The following HIVEP1 variants were observed in gnomAD, a reference collection of about 807,000 sequenced individuals.
HIVEP1 encodes HIVEP zinc finger 1.
HIVEP1 carries 36 observed loss-of-function variants against 180.0 expected under a neutral mutation model. The ratio of observed to expected loss-of-function variants is 0.20; its 90% CI spans 0.15 to 0.26. The LOEUF (loss-of-function observed/expected upper bound fraction) is 0.26, where lower values mean the gene tolerates loss of function less well. Among genes scored for constraint, HIVEP1 ranks in the 10% least tolerant of loss-of-function variants. The pLI is 1.00. For missense variants in HIVEP1, 3,143 were observed against 3,268.7 expected, an observed-to-expected ratio of 0.96 and a Z score of 0.94; for synonymous variants, 1,239 against 1,239.0, an observed-to-expected ratio of 1.00 and a Z score of 0.00.
chr6:12,138,003 G>T (rs903190535), intron 7 of HIVEP1, among the ~76,000 whole-genome samples: 1 of 152,098 alleles, frequency 6.6e-6, no homozygotes, highest in Non-Finnish European at 1.5e-5. Context: ...GCTCAGCAAG[G>T]TTATTGCTGC....
At chr6:12,204,290 C>A in the HIVEP1 span, among the ~76,000 whole-genome samples, 4 of 146,032 alleles carry the variant, frequency 2.7e-5, no homozygotes, top group South Asian at 8.9e-4. Context: ...TGGGCTCAGC[C>A]CAGTTTTTCA....
At chr6:12,032,707 T>A (rs1769034780) in intron 2 of HIVEP1, among the ~76,000 whole-genome samples, 1 of 152,222 alleles carries the variant, frequency 6.6e-6, no homozygotes. Context: ...AGCAAACGTT[T>A]GTTTACCCAC....
At chr6:12,201,016 C>A in the HIVEP1 span, among the ~76,000 whole-genome samples, 1 of 152,204 alleles carries the variant, frequency 6.6e-6, no homozygotes, top group Admixed American at 6.5e-5. Context: ...AATGTGTCAT[C>A]ATTCTTTTGA....
intron 3 of HIVEP1, among the ~76,000 whole-genome samples, chr6:12,107,222 A>G (rs1011447993): frequency 6.6e-6 from 1 of 152,242 alleles, no homozygotes; most frequent in Non-Finnish European, 1.5e-5. Flanking sequence ...TTCCCAGTGC[A>G]TATCAAAGTT....
chr6:12,184,048 GACAGACAGAC>G, the HIVEP1 span, among the ~76,000 whole-genome samples: 103 of 151,200 alleles, frequency 6.8e-4, no homozygotes, highest in African/African-American at 2.3e-3. Flanking sequence ...CAGACAGACA[GACAGACAGAC>G]AGACTGATTT....
chr6:12,130,601 G>C (rs1008996619), intron 5 of HIVEP1, among the ~76,000 whole-genome samples, 166 bp from the exon 6 acceptor site: 1 of 152,126 alleles, frequency 6.6e-6, no homozygotes, highest in Non-Finnish European at 1.5e-5. Context: ...GCTATATTAA[G>C]TGTTGATGTA....
rs143171464 is a variant in HIVEP1 at position 12,123,550 on chromosome 6, A to G, written c.3755A>G (p.His1252Arg). 42 of 1,614,178 alleles carry G rather than the reference A, an allele frequency of 2.6e-5. No homozygotes were observed. The highest frequency in any genetic ancestry group is 1.6e-4 in the Middle Eastern group (1 of 6,062). ...GATCGAGACCTGGAAGCTCAATGCC[A>G]TGATCAAGAAAAGTCAGAGAAGTTC... The part of the protein sequence containing the change: ...EPDRDLEAQC[H>R]DQEKSEKFSW... Residue 1252 changes from histidine (H) to arginine (R), a missense_variant, in exon 4 of 9, where the codon CAT becomes CGT. Transcript: ENST00000379388.
At chr6:12,011,131 A>T (rs1767256840), upstream of HIVEP1, among the ~76,000 whole-genome samples, 1 of 152,174 alleles carries the variant, frequency 6.6e-6, no homozygotes, top group South Asian at 2.1e-4. Context: ...TTCAGGGTTA[A>T]CATGTCCCCT....
intron 2 of HIVEP1, among the ~76,000 whole-genome samples, chr6:12,051,907 C>G (rs1323855509): frequency 6.6e-6 from 1 of 152,118 alleles, no homozygotes; most frequent in Non-Finnish European, 1.5e-5. Context: ...AAAAATTATT[C>G]TTTTATATAA....
rs140616828 is a variant in HIVEP1, at chr6:12,142,321, G to A, written c.6487+6429G>A. On this transcript the variant is annotated intron_variant, in intron 7 of 8. Transcript: ENST00000379388. The stretch of plus-strand genomic sequence containing the variant: ...ATGAAATGAAGGCAGAAATAAAGAT[G>A]TTCTTTGAAACCAGTGAGAACCAAG... Among the ~76,000 whole-genome samples, 94 of 152,294 alleles carry A rather than the reference G, an allele frequency of 6.2e-4. 1 individual carries two copies. The highest frequency in any genetic ancestry group is 1.9e-3 in the African/African-American group (79 of 41,568).
At position 12,123,067 on chromosome 6, in the gene HIVEP1, C is replaced by T. The variant is rs542694918; in HGVS notation, c.3272C>T (p.Ser1091Phe). The T allele has an allele frequency of 1.2e-6, 2 of 1,614,150 alleles. No homozygotes were observed. Among genetic ancestry groups the T allele is most frequent in the Middle Eastern group, 1.6e-4 (1 of 6,062 alleles). ...QQHKNIQLQN[S>F]HIHLVARGPE... ...CATAAAAATATACAGTTGCAAAACT[C>T]CCATATTCACCTTGTTGCCAGGGGC... Residue 1091 changes from serine (S) to phenylalanine (F), a missense_variant, in exon 4 of 9, where the codon TCC becomes TTC. Physicochemically the swap from Ser to Phe is radical, Grantham distance 155 (BLOSUM62 -2). This residue lies in a region of HIVEP1 where 1,357 missense variants were observed against 1,260.5 expected (regional missense o/e 1.08). Coordinates refer to ENST00000379388, the MANE Select transcript of HIVEP1 (RefSeq NM_002114.4).
At chr6:12,156,465 T>G (rs1760058379) in intron 7 of HIVEP1, among the ~76,000 whole-genome samples, 1 of 152,150 alleles carries the variant, frequency 6.6e-6, no homozygotes, top group Admixed American at 6.5e-5. Flanking sequence ...TAGCCAGTTT[T>G]CCCAGCATCG....
intron 2 of HIVEP1, among the ~76,000 whole-genome samples, chr6:12,019,493 G>A (rs1768049285): frequency 2.6e-5 from 4 of 152,132 alleles, no homozygotes; most frequent in Admixed American, 1.3e-4. Flanking sequence ...TCTCTAATGC[G>A]ATGAGATAAG....
intron 2 of HIVEP1, among the ~76,000 whole-genome samples, chr6:12,036,811 G>A (rs906412732): frequency 2.0e-5 from 3 of 152,260 alleles, no homozygotes; most frequent in African/African-American, 7.2e-5. Flanking sequence ...GGGAAGCTGA[G>A]TCAGGAGAAG....
chr6:12,041,346 C>CG (rs1363539306), intron 2 of HIVEP1, among the ~76,000 whole-genome samples: 1 of 141,080 alleles, frequency 7.1e-6, no homozygotes, highest in Non-Finnish European at 1.5e-5. Flanking sequence ...GGCGTGAACC[C>CG]GGGAGGCGGA....
chr6:12,013,596 A>G (rs1767537146), intron 1 of HIVEP1, among the ~76,000 whole-genome samples: 1 of 152,208 alleles, frequency 6.6e-6, no homozygotes, highest in Admixed American at 6.5e-5. Context: ...GTCAGAGTTC[A>G]CGCTTTAAAA....
At chr6:12,101,187 T>C (rs1292929159) in intron 3 of HIVEP1, among the ~76,000 whole-genome samples, 1 of 152,226 alleles carries the variant, frequency 6.6e-6, no homozygotes, top group African/African-American at 2.4e-5. Flanking sequence ...AGGACCTGTG[T>C]TGAGTTACAA....
chr6:12,049,312 G>T (rs897460153), intron 2 of HIVEP1, among the ~76,000 whole-genome samples: 4 of 152,166 alleles, frequency 2.6e-5, no homozygotes, highest in Admixed American at 2.0e-4. Context: ...TCCTCTGCAG[G>T]GTTCTGACCC....
At position 12,163,403 on chromosome 6, in the gene HIVEP1, C is replaced by T; in HGVS notation, c.7099C>T (p.Leu2367=). 6.2e-7 allele frequency: 1 copy of T among 1,614,204 alleles called. No homozygotes were observed. The highest frequency in any genetic ancestry group is 8.5e-7 in the Non-Finnish European group (1 of 1,180,032). ...DPQEQKQQIT[L]QPTPGLPSPH... is the part of the protein sequence containing the mutation. Reference sequence around the variant, plus strand: ...TCAAGAACAGAAGCAGCAAATAACTCTACAGCCGACTCCAGGCTTGCCTTC... The same window carrying T: ...TCAAGAACAGAAGCAGCAAATAACTTTACAGCCGACTCCAGGCTTGCCTTC... The change falls in exon 9 of 9, where the codon CTA becomes TTA. Residue 2367 remains leucine, a synonymous_variant. Coordinates refer to ENST00000379388, the MANE Select transcript of HIVEP1 (RefSeq NM_002114.4).
Sources: allele counts gnomAD v4.1 joint callset (sites outside exome capture counted in the v4.1 genomes callset), GRCh38; gene constraint gnomAD v4.1.1; regional missense constraint gnomAD v4.1.1; transcripts MANE v1.5; gene names NCBI Gene and HGNC (gene_info 2026-07-23, HGNC 2026-07-21).